SYT1: variants seen among roughly 807,000 people sequenced by gnomAD.
SYT1 encodes the protein synaptotagmin-1.
SYT1 carries 8 observed loss-of-function variants against 44.8 expected under a neutral mutation model. That is an observed-to-expected ratio of 0.18 (90% CI 0.10 to 0.32). The LOEUF (loss-of-function observed/expected upper bound fraction) is 0.32. SYT1 is among the 10% of genes least tolerant of loss of function. The pLI is 1.00. For missense variants in SYT1, 286 were observed against 509.3 expected (o/e 0.56, Z 4.22); for synonymous variants, 154 against 188.8 (o/e 0.82, Z 1.51).
intron 3 of SYT1, among the ~76,000 whole-genome samples, chr12:79,185,264 TA>T (rs1262449353): frequency 3.3e-5 from 5 of 152,120 alleles, no homozygotes; most frequent in Non-Finnish European, 5.9e-5. Context: ...AAAATGAAAT[TA>T]AATGCTACTT....
At chr12:79,368,143 C>T (rs573669078) in intron 9 of SYT1, among the ~76,000 whole-genome samples, 4 of 150,094 alleles carry the variant, frequency 2.7e-5, no homozygotes, top group Admixed American at 2.0e-4. Flanking sequence ...TGAGAACACG[C>T]GGTGTTTGAT....
At position 78,977,434 on chromosome 12, in the gene SYT1, G is replaced by C. The variant is rs1054901359; in HGVS notation, c.-216-365G>C. On this transcript the variant is annotated intron_variant, in intron 1 of 10. Coordinates refer to ENST00000261205, the MANE Select transcript of SYT1 (RefSeq NM_005639.3). ...TTGTTAGCAAAACAAAGTGTGAATT[G>C]CTTAGATAATTCCCTGCTGTTGGTA... is the stretch of plus-strand genomic sequence containing the variant. 6.6e-5 allele frequency: 10 copies of C among 152,318 alleles called. No individual in the cohort carries two copies. In the East Asian group the frequency reaches 1.9e-3, roughly 29 times the overall value. 9.4% of individuals were successfully genotyped at this position (152,318 alleles called of 1,614,324 possible).
chr12:79,358,864 T>C (rs1292946365), intron 9 of SYT1, among the ~76,000 whole-genome samples: 3 of 152,220 alleles, frequency 2.0e-5, no homozygotes, highest in East Asian at 3.9e-4. Flanking sequence ...CTGGGGAAAA[T>C]GTTCGTAACT....
At position 78,871,787 on chromosome 12, in the gene SYT1, T is replaced by A. The variant is rs1305366857; in HGVS notation, c.-217+6678T>A. On this transcript the variant is annotated intron_variant, in intron 1 of 10. Transcript: ENST00000261205. ...TTTACAAGGCTGGCTTTCTGCCTAA[T>A]CCCTAGCATTTTCATCAGATTTGAA... Among the ~76,000 whole-genome samples, 4 of 152,006 alleles carry A rather than the reference T, an allele frequency of 2.6e-5. No individual in the cohort carries two copies. In the East Asian group the frequency reaches 7.7e-4, roughly 29 times the overall value.
chr12:79,299,644 G>C (rs528246142), intron 8 of SYT1, 93 bp downstream of exon 8: 2 of 1,465,068 alleles, frequency 1.4e-6, no homozygotes, highest in Non-Finnish European at 1.8e-6. Context: ...TTTACAAAGG[G>C]GGATGTGGGC....
intron 8 of SYT1, among the ~76,000 whole-genome samples, chr12:79,328,140 G>A (rs149158425): frequency 2.6e-5 from 4 of 152,242 alleles, no homozygotes; most frequent in Admixed American, 1.3e-4. Flanking sequence ...GTCCATGAAC[G>A]ATATGGCTGT....
In SYT1 at chr12:79,248,077, G is replaced by A. The variant is rs1234770739; in HGVS notation, c.166+30392G>A. ...GAACTAAGCCCATTTGACCCAGTTG[G>A]CACAGTCCATTTAAATCTTCCTTAG... On this transcript the variant is annotated intron_variant, in intron 4 of 10. Transcript: ENST00000261205. Among the ~76,000 whole-genome samples the A allele has an allele frequency of 3.9e-5, 6 of 152,264 alleles. No individual in the cohort carries two copies. The South Asian group carries it at 1.2e-3, about 32-fold the overall frequency.
chr12:79,064,986 AAGAAAGAAAG>A (rs1202899363), intron 3 of SYT1, among the ~76,000 whole-genome samples: 1 of 142,864 alleles, frequency 7.0e-6, no homozygotes, highest in Admixed American at 7.0e-5. Flanking sequence ...GAAAGAAAGA[AAGAAAGAAAG>A]AAAAGGAAAC....
intron 3 of SYT1, among the ~76,000 whole-genome samples, chr12:79,141,293 AT>A (rs1211378312): frequency 2.6e-5 from 4 of 152,130 alleles, no homozygotes; most frequent in African/African-American, 9.7e-5. Flanking sequence ...GGAATTGTAT[AT>A]TTTAATATAC....
chr12:79,011,529 T>C (rs1461173728), intron 2 of SYT1, among the ~76,000 whole-genome samples: 3 of 152,036 alleles, frequency 2.0e-5, no homozygotes, highest in African/African-American at 7.2e-5. Flanking sequence ...CCCTGACCTC[T>C]AAGAACTTAC....
intron 9 of SYT1, among the ~76,000 whole-genome samples, chr12:79,403,004 T>A (rs1052121754): frequency 2.6e-5 from 4 of 152,156 alleles, no homozygotes; most frequent in African/African-American, 9.7e-5. Flanking sequence ...ACCAGTTGGG[T>A]CCTCTTCAGG....
intron 1 of SYT1, among the ~76,000 whole-genome samples, chr12:78,867,850 T>G (rs1021691169): frequency 1.3e-5 from 2 of 151,872 alleles, no homozygotes; most frequent in African/African-American, 4.8e-5. Flanking sequence ...AAATTGAAAC[T>G]AAAAAATAGT....
At chr12:79,002,404 T>G (rs1870801028) in intron 2 of SYT1, among the ~76,000 whole-genome samples, 1 of 152,090 alleles carries the variant, frequency 6.6e-6, no homozygotes, top group Non-Finnish European at 1.5e-5. Context: ...AACAGCGCAC[T>G]TGTGATTTCA....
chr12:79,230,426 C>T (rs1022650175), intron 4 of SYT1, among the ~76,000 whole-genome samples: 6 of 151,726 alleles, frequency 4.0e-5, no homozygotes, highest in African/African-American at 1.2e-4. Flanking sequence ...GTCATTTCTC[C>T]ATTATATTAT....
intron 1 of SYT1, among the ~76,000 whole-genome samples, chr12:78,912,236 C>T (rs907627525): frequency 6.6e-6 from 1 of 151,682 alleles, no homozygotes; most frequent in Non-Finnish European, 1.5e-5. Context: ...TTCTTGTTCT[C>T]TTTAAGAAAT....
chr12:79,367,900 TAA>T (rs11294874), intron 9 of SYT1, among the ~76,000 whole-genome samples: 1 of 149,558 alleles, frequency 6.7e-6, no homozygotes, highest in African/African-American at 2.5e-5. Flanking sequence ...TACCTTTTTT[TAA>T]AAAAAAAAAT....
intron 1 of SYT1, among the ~76,000 whole-genome samples, chr12:78,917,576 G>A (rs554947809): frequency 1.3e-4 from 19 of 150,780 alleles, no homozygotes; most frequent in African/African-American, 3.9e-4. Flanking sequence ...AAACCTGCAC[G>A]TTGTGCACAT....
At chr12:79,283,598 T>C (rs1879157926) in intron 4 of SYT1, among the ~76,000 whole-genome samples, 1 of 152,182 alleles carries the variant, frequency 6.6e-6, no homozygotes, top group Admixed American at 6.5e-5. Context: ...TTATGAATGC[T>C]GTCTTTCCCG....
At chr12:79,124,530 C>CCATCATCATCATCATCACCATTGCCAT (rs1868342735) in intron 3 of SYT1, among the ~76,000 whole-genome samples, 1 of 151,984 alleles carries the variant, frequency 6.6e-6, no homozygotes, top group East Asian at 1.9e-4. Context: ...ATTACTCTCA[C>CCATCATCATCATCATCACCATTGCCAT]CATCATCATC....
Sources: gnomAD v4.1 joint callset for allele counts (sites outside exome capture counted in the v4.1 genomes callset) on GRCh38, gnomAD v4.1.1 for gene constraint, MANE v1.5 for transcripts, NCBI Gene and HGNC (gene_info 2026-07-23, HGNC 2026-07-21) for gene names.